The following TACR3 variants were observed in gnomAD, a reference collection of about 807,000 sequenced individuals.
The protein encoded by TACR3 is tachykinin receptor 3.
TACR3 carries 34 observed loss-of-function variants against 35.0 expected under a neutral mutation model. The ratio of observed to expected loss-of-function variants is 0.97; its 90% CI spans 0.74 to 1.30. TACR3 has a LOEUF of 1.30. Among genes scored for constraint, TACR3 ranks in the 50% most tolerant of loss-of-function variants. The pLI is 0.00. For synonymous variants in TACR3, 233 were observed against 221.1 expected, an observed-to-expected ratio of 1.05 and a Z score of -0.48; for missense variants, 558 against 591.7, an observed-to-expected ratio of 0.94 and a Z score of 0.59.
At chr4:103,613,429 C>A (rs1724556457) in intron 3 of TACR3, among the ~76,000 whole-genome samples, 1 of 152,160 alleles carries the variant, frequency 6.6e-6, no homozygotes, top group Admixed American at 6.5e-5. Flanking sequence ...AAGCGATTCT[C>A]CTGCCTCAAC....
intron 1 of TACR3, among the ~76,000 whole-genome samples, chr4:103,674,126 GA>G (rs1240324527): frequency 6.6e-6 from 1 of 152,262 alleles, no homozygotes; most frequent in East Asian, 1.9e-4. Context: ...TTTTAGCCTT[GA>G]AAAGAGGCAG....
intron 3 of TACR3, among the ~76,000 whole-genome samples, chr4:103,647,548 G>C (rs1725488638): frequency 6.6e-6 from 1 of 151,762 alleles, no homozygotes; most frequent in South Asian, 2.1e-4. Context: ...GAGAGCTTTG[G>C]CAAGATTAGT....
chr4:103,675,646 T>C (rs868743492), intron 1 of TACR3, among the ~76,000 whole-genome samples: 16 of 152,156 alleles, frequency 1.1e-4, no homozygotes, highest in Middle Eastern at 3.4e-3. Flanking sequence ...CTCTAGGAGA[T>C]GAACATCCAA....
chr4:103,633,459 G>A (rs1725112223), intron 3 of TACR3, among the ~76,000 whole-genome samples: 1 of 151,854 alleles, frequency 6.6e-6, no homozygotes, highest in South Asian at 2.1e-4. Context: ...GGTGGTATTT[G>A]GTTACATAAG....
At chr4:103,650,482 TATAA>T (rs1725566169) in intron 3 of TACR3, among the ~76,000 whole-genome samples, 1 of 135,748 alleles carries the variant, frequency 7.4e-6, no homozygotes, top group African/African-American at 2.7e-5. Flanking sequence ...TATATTTATA[TATAA>T]ATATGTATTA....
intron 3 of TACR3, among the ~76,000 whole-genome samples, chr4:103,613,580 G>A (rs1256407902): frequency 6.6e-6 from 1 of 151,880 alleles, no homozygotes; most frequent in Non-Finnish European, 1.5e-5. Flanking sequence ...GCCCACCTTG[G>A]CCTCCCCAAG....
intron 2 of TACR3, 63 bp from the exon 3 acceptor site, chr4:103,656,407 T>C (rs573080912): frequency 6.6e-7 from 1 of 1,508,070 alleles, no homozygotes; most frequent in Non-Finnish European, 9.2e-7. Flanking sequence ...GGGGACTGAA[T>C]TGGCTCAGCT....
At chr4:103,685,662 A>G (rs1378865894) in intron 1 of TACR3, among the ~76,000 whole-genome samples, 1 of 152,190 alleles carries the variant, frequency 6.6e-6, no homozygotes, top group Admixed American at 6.6e-5. Flanking sequence ...ACTTCACAAT[A>G]GAGTATACTC....
rs1723776720 is a variant in TACR3 at position 103,586,652 on chromosome 4, C to T, written c.*3030G>A. The T allele has an allele frequency of 1.3e-5, 2 of 151,970 alleles. No homozygotes were observed. The highest frequency in any genetic ancestry group is 2.9e-5 in the Non-Finnish European group (2 of 67,994). 9.4% of individuals were successfully genotyped at this position (151,970 alleles called of 1,614,324 possible). On this transcript the variant is annotated 3_prime_UTR_variant, in exon 5 of 5. Coordinates refer to ENST00000304883, the MANE Select transcript of TACR3 (RefSeq NM_001059.3). ...ATTGCTCAGTTCACTGTTTCTAAGA[C>T]ATTGGCAGGATTTGGAAAAGGACAT...
chr4:103,658,998 C>T (rs78289784), intron 1 of TACR3, among the ~76,000 whole-genome samples: 2 of 152,266 alleles, frequency 1.3e-5, no homozygotes, highest in African/African-American at 4.8e-5. Context: ...ACATTAAGTT[C>T]TCATAAGGAG....
chr4:103,680,602 A>G (rs1482584), intron 1 of TACR3, among the ~76,000 whole-genome samples: 17,835 of 150,806 alleles, frequency 0.12, 1,466 homozygotes, highest in East Asian at 0.43. Context: ...TGAAAATGCA[A>G]TAAGAACTAT....
chr4:103,647,890 A>G (rs533994939), intron 3 of TACR3, among the ~76,000 whole-genome samples: 2 of 152,026 alleles, frequency 1.3e-5, no homozygotes, highest in African/African-American at 4.8e-5. Context: ...AAAATTATCT[A>G]AAAGTTTCAT....
chr4:103,594,087 G>C (rs1175891153), intron 3 of TACR3, among the ~76,000 whole-genome samples: 1 of 152,030 alleles, frequency 6.6e-6, no homozygotes, highest in African/African-American at 2.4e-5. Flanking sequence ...TTTCATTTAA[G>C]ATGGACATGT....
intron 1 of TACR3, among the ~76,000 whole-genome samples, chr4:103,659,373 C>T (rs1224159559): frequency 6.6e-6 from 1 of 152,146 alleles, no homozygotes; most frequent in African/African-American, 2.4e-5. Context: ...CAGCTCAAAA[C>T]CTTCATGTCT....
intron 3 of TACR3, among the ~76,000 whole-genome samples, chr4:103,623,469 A>T (rs1371892501): frequency 6.6e-6 from 1 of 152,134 alleles, no homozygotes; most frequent in Non-Finnish European, 1.5e-5. Flanking sequence ...GTAATCATAG[A>T]CTATAACAGC....
intron 3 of TACR3, among the ~76,000 whole-genome samples, chr4:103,650,680 TATCATATATAA>T (rs1560821976): frequency 1.9e-4 from 5 of 26,656 alleles, no homozygotes; most frequent in African/African-American, 7.2e-4. Flanking sequence ...ATATATATTA[TATCATATATAA>T]TATATATTTA....
At chr4:103,659,369 A>C (rs1327790885) in intron 1 of TACR3, among the ~76,000 whole-genome samples, 1 of 152,210 alleles carries the variant, frequency 6.6e-6, no homozygotes, top group African/African-American at 2.4e-5. Flanking sequence ...TTCACAGCTC[A>C]AAACCTTCAT....
chr4:103,655,438 C>T (rs1315976282), intron 3 of TACR3, among the ~76,000 whole-genome samples: 1 of 151,856 alleles, frequency 6.6e-6, no homozygotes, highest in Non-Finnish European at 1.5e-5. Context: ...TTAGGTACAC[C>T]CCAACTGTGG....
rs1723834269 is a variant in TACR3, at chr4:103,589,028, AAATC to A, written c.*650_*653del. On this transcript the variant is annotated 3_prime_UTR_variant, in exon 5 of 5. Transcript: ENST00000304883. ...TTAAAATTTCACTTTCTCAGAAAAA[AAATC>A]AAGAGAATGAAATATACATTTGCCT... 6.6e-6 allele frequency: 1 copy of A among 152,146 alleles called. No individual in the cohort carries two copies. The highest frequency in any genetic ancestry group is 2.1e-4 in the South Asian group (1 of 4,830). The allele number at this position is 152,146 out of a possible 1,614,324, so 9.4% of individuals were successfully genotyped here. A position where few individuals can be genotyped will look rare whatever the true frequency, so the allele number is the denominator to read the frequency against.
Sources: allele counts gnomAD v4.1 joint callset (sites outside exome capture counted in the v4.1 genomes callset), GRCh38; gene constraint gnomAD v4.1.1; transcripts MANE v1.5; gene names NCBI Gene and HGNC (gene_info 2026-07-23, HGNC 2026-07-21).